CACNA2D3: variants seen among roughly 807,000 people sequenced by gnomAD.
CACNA2D3 encodes the protein calcium voltage-gated channel auxiliary subunit alpha2delta 3.
CACNA2D3 carries 60 observed loss-of-function variants against 160.6 expected under a neutral mutation model. The observed-to-expected ratio is 0.37, with a 90% confidence interval of 0.30 to 0.46. CACNA2D3 has a LOEUF of 0.46. Among genes scored for constraint, CACNA2D3 ranks in the 20% least tolerant of loss-of-function variants. The pLI is 1.00. For synonymous variants in CACNA2D3, 558 were observed against 492.9 expected (o/e 1.13, Z -1.75); for missense variants, 1,205 against 1,365.0 (o/e 0.88, Z 1.85).
chr3:54,710,038 C>A (rs976413734), intron 11 of CACNA2D3, among the ~76,000 whole-genome samples: 1 of 152,086 alleles, frequency 6.6e-6, no homozygotes, highest in Non-Finnish European at 1.5e-5. Flanking sequence ...AGGTGGGAGT[C>A]AAAAATCAGA....
At chr3:54,180,408 C>G (rs1206431791) in intron 2 of CACNA2D3, among the ~76,000 whole-genome samples, 1 of 152,142 alleles carries the variant, frequency 6.6e-6, no homozygotes, top group African/African-American at 2.4e-5. Flanking sequence ...ATCTGTCGAC[C>G]GAGTGAATGA....
At chr3:54,788,107 A>T (rs1702675669) in intron 13 of CACNA2D3, among the ~76,000 whole-genome samples, 1 of 152,184 alleles carries the variant, frequency 6.6e-6, no homozygotes, top group South Asian at 2.1e-4. Flanking sequence ...TTTCCTTATT[A>T]ATTAGCATCC....
intron 27 of CACNA2D3, among the ~76,000 whole-genome samples, chr3:54,907,790 A>G (rs1419111048): frequency 6.6e-6 from 1 of 152,052 alleles, no homozygotes; most frequent in Non-Finnish European, 1.5e-5. Flanking sequence ...GGATTTGTCT[A>G]TTTTTGGACA....
intron 5 of CACNA2D3, among the ~76,000 whole-genome samples, chr3:54,537,608 T>G (rs1701909303): frequency 6.6e-6 from 1 of 152,106 alleles, no homozygotes. Context: ...GAGTTATCCC[T>G]GATACTCAGG....
intron 35 of CACNA2D3, among the ~76,000 whole-genome samples, chr3:55,061,304 G>T (rs1057497667): frequency 6.6e-6 from 1 of 152,224 alleles, no homozygotes; most frequent in African/African-American, 2.4e-5. Context: ...TCCCACACTG[G>T]TGAAACGGAG....
intron 2 of CACNA2D3, among the ~76,000 whole-genome samples, chr3:54,280,926 T>G (rs1702864709): frequency 6.6e-6 from 1 of 152,174 alleles, no homozygotes; most frequent in Non-Finnish European, 1.5e-5. Context: ...CTTGCTATGG[T>G]GTTGAGCATA....
intron 11 of CACNA2D3, among the ~76,000 whole-genome samples, chr3:54,683,962 C>CTTTTT (rs61481695): frequency 1.8e-4 from 20 of 110,816 alleles, no homozygotes; most frequent in African/African-American, 5.6e-4. Flanking sequence ...AAATTTCCAC[C>CTTTTT]TTTTTTTTTT....
intron 2 of CACNA2D3, among the ~76,000 whole-genome samples, chr3:54,148,566 A>C (rs902869664): frequency 6.6e-6 from 1 of 152,132 alleles, no homozygotes; most frequent in Non-Finnish European, 1.5e-5. Flanking sequence ...GCGAAAAAGG[A>C]GGTGGAGTTG....
At position 54,627,675 on chromosome 3, in the gene CACNA2D3, C is replaced by T. The variant is rs187208465; in HGVS notation, c.964-112C>T. 359 of 702,736 alleles carry T rather than the reference C, an allele frequency of 5.1e-4. 1 individual carries two copies. Among genetic ancestry groups the T allele is most frequent in the East Asian group, 1.4e-3 (52 of 36,816 alleles). 43.5% of individuals were successfully genotyped at this position (702,736 alleles called of 1,614,324 possible). Reference sequence around the variant, plus strand: ...GTAGAAGGAAAAAGTAAATTATGACCGGTTGGATCTGACAATCATTGGTCT... The same window carrying T: ...GTAGAAGGAAAAAGTAAATTATGACTGGTTGGATCTGACAATCATTGGTCT... On this transcript the variant is annotated intron_variant, in intron 9 of 37. Transcript: ENST00000474759.
rs1704884547 is a variant in CACNA2D3 at position 55,074,008 on chromosome 3, C to T, written c.3184-106C>T. ...CTGAATCTGCACCATCATCTAGGTCCCAGAAGACTTCGTTCTTACGTTAGA... is the reference window on the plus strand; with the variant it reads ...CTGAATCTGCACCATCATCTAGGTCTCAGAAGACTTCGTTCTTACGTTAGA... On this transcript the variant is annotated intron_variant, in intron 37 of 37. Transcript: ENST00000474759. The T allele has an allele frequency of 3.6e-6, 4 of 1,126,060 alleles. No homozygotes were observed. The African/African-American group carries it at 6.1e-5, about 17-fold the overall frequency. The allele number at this position is 1,126,060 out of a possible 1,614,324, so 69.8% of individuals were successfully genotyped here.
At chr3:54,201,142 G>T (rs1401624661) in intron 2 of CACNA2D3, among the ~76,000 whole-genome samples, 1 of 152,122 alleles carries the variant, frequency 6.6e-6, no homozygotes, top group Non-Finnish European at 1.5e-5. Flanking sequence ...TCATAATTTC[G>T]GAATACTGAT....
intron 4 of CACNA2D3, among the ~76,000 whole-genome samples, chr3:54,431,553 G>A (rs1468157168): frequency 5.3e-5 from 8 of 152,020 alleles, no homozygotes; most frequent in Admixed American, 2.6e-4. Context: ...TCAAACCCAC[G>A]TTGTTTAAGG....
At chr3:54,536,475 G>A (rs367561801) in intron 5 of CACNA2D3, among the ~76,000 whole-genome samples, 4 of 152,340 alleles carry the variant, frequency 2.6e-5, no homozygotes, top group East Asian at 1.9e-4. Flanking sequence ...CACCCCACAA[G>A]GGATTATCCA....
intron 27 of CACNA2D3, among the ~76,000 whole-genome samples, chr3:54,967,396 C>A (rs1333517477): frequency 2.6e-5 from 4 of 152,026 alleles, no homozygotes; most frequent in Non-Finnish European, 4.4e-5. Flanking sequence ...TTTTTTCTTA[C>A]AATTGTGTAT....
At chr3:54,555,658 T>A (rs1332116555) in intron 5 of CACNA2D3, among the ~76,000 whole-genome samples, 1 of 152,230 alleles carries the variant, frequency 6.6e-6, no homozygotes, top group Non-Finnish European at 1.5e-5. Context: ...TACTAAAAGC[T>A]GAACATCTGA....
chr3:54,133,590 A>C (rs1699760053), intron 2 of CACNA2D3, among the ~76,000 whole-genome samples: 1 of 152,240 alleles, frequency 6.6e-6, no homozygotes, highest in African/African-American at 2.4e-5. Context: ...ATTTGCTTTC[A>C]TAATGCGGAA....
chr3:54,480,085 T>C (rs1700908462), intron 4 of CACNA2D3, among the ~76,000 whole-genome samples: 1 of 152,052 alleles, frequency 6.6e-6, no homozygotes. Context: ...CTTAAAACTC[T>C]CCTGTCCCAG....
intron 5 of CACNA2D3, among the ~76,000 whole-genome samples, chr3:54,536,579 T>C (rs1471625241): frequency 2.6e-5 from 4 of 152,190 alleles, no homozygotes; most frequent in Admixed American, 1.3e-4. Context: ...CATGTCCCCA[T>C]GTCACTCTTA....
At chr3:54,312,055 T>A (rs1703754249) in intron 2 of CACNA2D3, among the ~76,000 whole-genome samples, 1 of 152,176 alleles carries the variant, frequency 6.6e-6, no homozygotes, top group Admixed American at 6.5e-5. Flanking sequence ...TGGGTTACTA[T>A]CCCAGTGTCA....
Sources: allele counts gnomAD v4.1 joint callset (sites outside exome capture counted in the v4.1 genomes callset), GRCh38; gene constraint gnomAD v4.1.1; transcripts MANE v1.5; gene names NCBI Gene and HGNC (gene_info 2026-07-23, HGNC 2026-07-21).